SH3TC1: variants seen among roughly 807,000 people sequenced by gnomAD.
The protein encoded by SH3TC1 is SH3 domain and tetratricopeptide repeats 1.
Under a neutral mutation model 117.3 loss-of-function variants are expected in SH3TC1, and 135 were observed. The ratio of observed to expected loss-of-function variants is 1.15; its 90% confidence interval spans 1.00 to 1.33. SH3TC1 has a LOEUF of 1.33. Ranked by LOEUF, SH3TC1 falls within the 40% of genes most tolerant of loss-of-function variation. SH3TC1 has a pLI of 0.00. For synonymous variants in SH3TC1, 898 were observed against 816.9 expected (o/e 1.10, Z -1.69); for missense variants, 2,092 against 1,794.3 (o/e 1.17, Z -3.00).
Position 8,209,695 on chromosome 4 carries a change from G to C in SH3TC1, c.173-53G>C, listed in dbSNP as rs767178377. Reference sequence around the variant, plus strand: ...CCTGGAGCGTTTGGCGCCTTCAGAGGAGCCAGGCCTTTGCTTGGTCTCCCC... The same window carrying C: ...CCTGGAGCGTTTGGCGCCTTCAGAGCAGCCAGGCCTTTGCTTGGTCTCCCC... On this transcript the variant is annotated intron_variant, in intron 2 of 17. Coordinates refer to ENST00000245105, the MANE Select transcript of SH3TC1 (RefSeq NM_018986.5). This position sits in a 1 kb window ranked among gnomAD's most constrained non-coding sequence, Gnocchi z 5.9. 1 of 1,610,446 alleles carries C rather than the reference G, an allele frequency of 6.2e-7. No homozygotes were observed. Among genetic ancestry groups the C allele is most frequent in the Admixed American group, 1.7e-5 (1 of 59,588 alleles).
rs922670395 is a variant in SH3TC1, at chr4:8,210,698, G to T, written c.247+876G>T. Among the ~76,000 whole-genome samples the T allele has an allele frequency of 3.6e-5, 5 of 139,908 alleles. No individual in the cohort carries two copies. Among genetic ancestry groups the T allele is most frequent in the African/African-American group, 1.4e-4 (5 of 36,344 alleles). The allele number at this position is 139,908 out of a possible 152,430, so 91.8% of individuals were successfully genotyped here. On this transcript the variant is annotated intron_variant, in intron 3 of 17. Transcript: ENST00000245105. The surrounding 1 kb of genome is among the most constrained non-coding windows in gnomAD (Gnocchi z 4.1). ...GAATCACTTGAACCCAGGAGGCAGA[G>T]GTAGTGAGCCGAGATTGCGCCATTG...
chr4:8,213,692 G>A (rs1718952569), intron 4 of SH3TC1, among the ~76,000 whole-genome samples: 1 of 152,126 alleles, frequency 6.6e-6, no homozygotes, highest in Non-Finnish European at 1.5e-5. Flanking sequence ...GAGCCCAGGA[G>A]TTTAAGACCA....
chr4:8,225,698 A>G lies in SH3TC1; in HGVS notation c.1285+482A>G, dbSNP rs1450608948. 3.3e-5 allele frequency among the ~76,000 whole-genome samples: 5 copies of G among 152,058 alleles called. No homozygotes were observed. The highest frequency in any genetic ancestry group is 5.9e-5 in the Non-Finnish European group (4 of 68,002). On this transcript the variant is annotated intron_variant, in intron 11 of 17. Coordinates refer to ENST00000245105, the MANE Select transcript of SH3TC1 (RefSeq NM_018986.5). The surrounding 1 kb of genome is among the most constrained non-coding windows in gnomAD (Gnocchi z 5.5). ...GGAGACCCTTCCATCTCCCCTCTAC[A>G]GCTCTGTCTCTTCCCCTCACACAGG... is the stretch of plus-strand genomic sequence containing the variant.
At position 8,228,199 on chromosome 4, in the gene SH3TC1, C is replaced by T. The variant is rs374340058; in HGVS notation, c.2505C>T (p.His835=). 105 of 1,609,430 alleles carry T rather than the reference C, an allele frequency of 6.5e-5. No individual in the cohort carries two copies. The highest frequency in any genetic ancestry group is 9.3e-5 in the African/African-American group (7 of 74,890). Residue 835 remains histidine (H), a synonymous_variant, in exon 12 of 18, where the codon CAC becomes CAT. Transcript: ENST00000245105. ...VDHLVALAWL[H]VLHGQSPVAL... ...ACCTGGTGGCCCTGGCCTGGCTGCA[C>T]GTGCTTCATGGGCAGAGCCCGGTGG... is the stretch of plus-strand genomic sequence containing the variant.
intron 6 of SH3TC1, among the ~76,000 whole-genome samples, chr4:8,216,492 G>A (rs1123032): frequency 0.3 from 45,587 of 152,054 alleles, 7,159 homozygotes; most frequent in Non-Finnish European, 0.36. Flanking sequence ...ACAGTGGAAG[G>A]GAGGTTCTGT....
intron 3 of SH3TC1, 43 bp from the exon 4 acceptor site, chr4:8,212,657 AG>A: frequency 6.2e-7 from 1 of 1,611,760 alleles, no homozygotes; most frequent in Non-Finnish European, 8.5e-7. Context: ...CAGACTTCCC[AG>A]CCCAGGTCAG....
intron 1 of SH3TC1, among the ~76,000 whole-genome samples, chr4:8,194,149 G>C (rs904598090): frequency 1.3e-5 from 2 of 152,160 alleles, no homozygotes; most frequent in African/African-American, 4.8e-5. Flanking sequence ...AGCTGTCCTG[G>C]GACCTTCGAG....
chr4:8,203,854 C>G (rs1323713081), intron 1 of SH3TC1, among the ~76,000 whole-genome samples: 1 of 152,196 alleles, frequency 6.6e-6, no homozygotes, highest in Admixed American at 6.5e-5. Context: ...CCACGCACCC[C>G]CAACAGCTGC....
Position 8,227,168 on chromosome 4 carries a change from G to T in SH3TC1, c.1474G>T (p.Asp492Tyr). 14 of 1,603,524 alleles carry T rather than the reference G, an allele frequency of 8.7e-6. No homozygotes were observed. Among genetic ancestry groups the T allele is most frequent in the Non-Finnish European group, 1.2e-5 (14 of 1,175,494 alleles). The stretch of plus-strand genomic sequence containing the variant: ...CTCCTTCTGCTTGGAAGCCGAGGAC[G>T]ACTGGGAGGACCCAGAGGCCCTGAG... ...EPSFCLEAEDDWEDPEALSSL... is the reference protein window; with the variant it reads ...EPSFCLEAEDYWEDPEALSSL... Residue 492 changes from aspartate (D) to tyrosine (Y), a missense_variant, in exon 12 of 18, where the codon GAC becomes TAC. Physicochemically the swap from Asp to Tyr is radical, Grantham distance 160. Transcript: ENST00000245105.
At chr4:8,187,050 C>G (rs973512901) in intron 1 of SH3TC1, among the ~76,000 whole-genome samples, 15 of 152,172 alleles carry the variant, frequency 9.9e-5, no homozygotes, top group Admixed American at 4.6e-4. Context: ...ACCTGCCATC[C>G]TTCAAAGCCC....
Position 8,205,338 on chromosome 4 carries a change from C to G in SH3TC1, c.144C>G (p.Pro48=), listed in dbSNP as rs765366188. 6.5e-6 allele frequency: 10 copies of G among 1,549,520 alleles called. No individual in the cohort carries two copies. The highest frequency in any genetic ancestry group is 1.2e-5 in the South Asian group (1 of 83,958). Residue 48 remains proline, a synonymous_variant, in exon 2 of 18, where the codon CCC becomes CCG. Coordinates refer to ENST00000245105, the MANE Select transcript of SH3TC1 (RefSeq NM_018986.5). The surrounding 1 kb of genome is among the most constrained non-coding windows in gnomAD (Gnocchi z 5.4). ...CTGTGAGCTGGGAGAAAGCGGGGCCCGAGGAGGCCAAGGCGCCAGTGAGAG... is the reference window on the plus strand; with the variant it reads ...CTGTGAGCTGGGAGAAAGCGGGGCCGGAGGAGGCCAAGGCGCCAGTGAGAG... ...RPSVSWEKAG[P]EEAKAPVRGD...
In SH3TC1 at chr4:8,238,466, C is replaced by A. The variant is rs553604156; in HGVS notation, c.3753+796C>A. On this transcript the variant is annotated intron_variant, in intron 17 of 17. Transcript: ENST00000245105. ...ACTCAGCATCACACTGGCACTGCAT[C>A]GGTGCTCGTTGTGGGCTGGGGGGCC... Among the ~76,000 whole-genome samples, 3 of 152,328 alleles carry A rather than the reference C, an allele frequency of 2.0e-5. No individual in the cohort carries two copies. The South Asian group carries it at 6.2e-4, about 32-fold the overall frequency.
chr4:8,201,353 G>A (rs568003369), intron 1 of SH3TC1: 1 of 152,414 alleles, frequency 6.6e-6, no homozygotes, highest in East Asian at 1.9e-4. Flanking sequence ...CCAGACACCG[G>A]GGTTTGGCCC....
chr4:8,223,771 T>C (rs887933550), intron 10 of SH3TC1, among the ~76,000 whole-genome samples: 1 of 152,052 alleles, frequency 6.6e-6, no homozygotes, highest in Non-Finnish European at 1.5e-5. Context: ...TAGCTGGAAC[T>C]ACAGGCACGC....
At chr4:8,201,605 A>T (rs1460231687) in intron 1 of SH3TC1, 1 of 152,438 alleles carries the variant, frequency 6.6e-6, no homozygotes, top group African/African-American at 2.4e-5. Flanking sequence ...CTGCTTGTGC[A>T]GTGGTGGCTG....
intron 14 of SH3TC1, among the ~76,000 whole-genome samples, chr4:8,233,976 A>G (rs370337264): frequency 0.022 from 2,617 of 121,616 alleles, 27 homozygotes; most frequent in Non-Finnish European, 0.035. Flanking sequence ...CTGTTTGTCC[A>G]TCCATCCATC....
At chr4:8,238,151 C>T (rs905464295) in intron 17 of SH3TC1, among the ~76,000 whole-genome samples, 2 of 152,126 alleles carry the variant, frequency 1.3e-5, no homozygotes, top group Non-Finnish European at 2.9e-5. Context: ...CTGAGCAACT[C>T]CTTCCTGGAG....
At chr4:8,195,322 C>G (rs576283257), upstream of SH3TC1, among the ~76,000 whole-genome samples, 1 of 152,168 alleles carries the variant, frequency 6.6e-6, no homozygotes, top group Non-Finnish European at 1.5e-5. Flanking sequence ...CAGATTGTCC[C>G]GGGAGAATTG....
Position 8,240,743 on chromosome 4 carries a change from G to A in SH3TC1, c.3799G>A (p.Ala1267Thr), listed in dbSNP as rs138642969. ...AGYYQLALAA[A>T]VDLGNKKAQL... ...GTACTACCAGCTGGCGCTGGCAGCCGCCGTGGACCTGGGCAACAAGAAGGC... is the reference window on the plus strand; with the variant it reads ...GTACTACCAGCTGGCGCTGGCAGCCACCGTGGACCTGGGCAACAAGAAGGC... The change falls in exon 18 of 18, where the codon GCC becomes ACC. Residue 1267 changes from alanine to threonine, a missense_variant. Coordinates refer to ENST00000245105, the MANE Select transcript of SH3TC1 (RefSeq NM_018986.5). 8.1e-5 allele frequency: 130 copies of A among 1,613,858 alleles called. No homozygotes were observed. The highest frequency in any genetic ancestry group is 4.7e-4 in the East Asian group (21 of 44,878).
Sources: allele counts gnomAD v4.1 joint callset (sites outside exome capture counted in the v4.1 genomes callset), GRCh38; gene constraint gnomAD v4.1.1; non-coding constraint Gnocchi (gnomAD v3.1); transcripts MANE v1.5; gene names NCBI Gene and HGNC (gene_info 2026-07-23, HGNC 2026-07-21).